SPOCK1: variants seen among roughly 807,000 people sequenced by gnomAD.
SPOCK1 encodes SPARC (osteonectin), cwcv and kazal like domains proteoglycan 1.
A neutral mutation model predicts 55.3 loss-of-function variants in SPOCK1; 23 were observed. That is an observed-to-expected ratio of 0.42 (90% CI 0.30 to 0.59). The LOEUF (loss-of-function observed/expected upper bound fraction) is 0.59. Among genes scored for constraint, SPOCK1 ranks in the 20% least tolerant of loss-of-function variants. The pLI is 0.22. For synonymous variants in SPOCK1, 226 were observed against 221.0 expected (o/e 1.02, Z -0.20); for missense variants, 499 against 552.5 (o/e 0.90, Z 0.97).
rs563512878 is a variant in SPOCK1, at chr5:137,289,143, G to A, written c.187-22088C>T. On this transcript the variant is annotated intron_variant, in intron 2 of 10. Transcript: ENST00000394945. The stretch of plus-strand genomic sequence containing the variant: ...GGTTATTAATGAAGCAAGCTTCATA[G>A]AGTTTACCAAGTCAAAATGAGTTAA... Among the ~76,000 whole-genome samples the A allele has an allele frequency of 7.9e-5, 12 of 152,312 alleles. No homozygotes were observed. The South Asian group carries it at 2.5e-3, about 32-fold the overall frequency.
rs148135432 is a variant in SPOCK1, at chr5:137,252,099, T to C, written c.232+14911A>G. Among the ~76,000 whole-genome samples the C allele has an allele frequency of 3.6e-3, 547 of 152,264 alleles. 2 individuals carry two copies. Among genetic ancestry groups the C allele is most frequent in the East Asian group, 0.023 (117 of 5,172 alleles). ...TGCCACCATGTCCAACTAATTTTTG[T>C]ATTTTTAATAGAGATGGGGTTTCAC... On this transcript the variant is annotated intron_variant, in intron 3 of 10. Transcript: ENST00000394945.
intron 6 of SPOCK1, among the ~76,000 whole-genome samples, chr5:136,999,043 C>A (rs1235427520): frequency 6.6e-6 from 1 of 152,192 alleles, no homozygotes; most frequent in Non-Finnish European, 1.5e-5. Context: ...CACCTGGCCA[C>A]CTTTGCCCCC....
chr5:137,279,980 C>T (rs908706278), intron 2 of SPOCK1, among the ~76,000 whole-genome samples: 2 of 152,220 alleles, frequency 1.3e-5, no homozygotes, highest in Admixed American at 6.5e-5. Flanking sequence ...ACATCTTTCC[C>T]TCTGAAGGTG....
intron 5 of SPOCK1, among the ~76,000 whole-genome samples, chr5:137,108,197 G>A (rs1753402511): frequency 6.6e-6 from 1 of 152,142 alleles, no homozygotes; most frequent in Non-Finnish European, 1.5e-5. Context: ...ATAAATAAGT[G>A]GCCAGGTATT....
At chr5:137,290,232 T>C (rs769679600) in intron 2 of SPOCK1, among the ~76,000 whole-genome samples, 4 of 152,182 alleles carry the variant, frequency 2.6e-5, no homozygotes, top group Admixed American at 6.5e-5. Flanking sequence ...AAATGGACAT[T>C]GTGTTATGTT....
chr5:137,280,686 AC>A (rs1257647739), intron 2 of SPOCK1, among the ~76,000 whole-genome samples: 1 of 152,238 alleles, frequency 6.6e-6, no homozygotes, highest in Non-Finnish European at 1.5e-5. Flanking sequence ...AATCTCTTGA[AC>A]AAATTACCAA....
chr5:137,457,000 A>G (rs1048316902), intron 2 of SPOCK1, among the ~76,000 whole-genome samples: 1 of 152,164 alleles, frequency 6.6e-6, no homozygotes, highest in African/African-American at 2.4e-5. Flanking sequence ...TGTTTGGCCA[A>G]CTCATGTTTT....
At chr5:137,267,824 T>C (rs1756888335) in intron 2 of SPOCK1, among the ~76,000 whole-genome samples, 1 of 152,208 alleles carries the variant, frequency 6.6e-6, no homozygotes, top group African/African-American at 2.4e-5. Flanking sequence ...CCATCAGCAC[T>C]TTGACCCCAT....
intron 6 of SPOCK1, among the ~76,000 whole-genome samples, chr5:137,048,660 T>C (rs1238927822): frequency 8.2e-4 from 13 of 15,922 alleles, no homozygotes; most frequent in African/African-American, 3.5e-3. Context: ...AATATTGTTA[T>C]GTGTGAATTT....
chr5:137,454,455 C>G (rs868456210), intron 2 of SPOCK1, among the ~76,000 whole-genome samples: 1 of 152,134 alleles, frequency 6.6e-6, no homozygotes, highest in Non-Finnish European at 1.5e-5. Context: ...CCAAAAGACC[C>G]TAAAGGAAAG....
rs79565655 is a variant in SPOCK1 at position 137,255,811 on chromosome 5, C to T, written c.232+11199G>A. On this transcript the variant is annotated intron_variant, in intron 3 of 10. Coordinates refer to ENST00000394945, the MANE Select transcript of SPOCK1 (RefSeq NM_004598.4). ...ATTTAGGACCTGAATGTCACAGTGG[C>T]TCCAGTGGGCTCAGAGGATAATTTT... Among the ~76,000 whole-genome samples the T allele has an allele frequency of 9.7e-3, 1,475 of 152,332 alleles. 26 individuals carry two copies. Among genetic ancestry groups the T allele is most frequent in the African/African-American group, 0.034 (1,394 of 41,584 alleles).
chr5:137,288,726 C>A (rs556667012), intron 2 of SPOCK1, among the ~76,000 whole-genome samples: 31 of 152,196 alleles, frequency 2.0e-4, no homozygotes, highest in Non-Finnish European at 3.8e-4. Context: ...AAGTCCCTCA[C>A]GGTTTATCCA....
intron 5 of SPOCK1, among the ~76,000 whole-genome samples, chr5:137,101,352 G>A (rs1753261741): frequency 6.6e-6 from 1 of 152,306 alleles, no homozygotes; most frequent in East Asian, 1.9e-4. Context: ...CTGATGAAGT[G>A]AGGCCAAGCA....
chr5:137,108,264 C>G (rs959056808), intron 5 of SPOCK1, among the ~76,000 whole-genome samples: 5 of 152,158 alleles, frequency 3.3e-5, no homozygotes, highest in African/African-American at 1.2e-4. Flanking sequence ...AAATAGCCCC[C>G]TTGGAAGGAA....
intron 3 of SPOCK1, among the ~76,000 whole-genome samples, chr5:137,261,913 G>T (rs550322395): frequency 6.6e-6 from 1 of 152,288 alleles, no homozygotes; most frequent in South Asian, 2.1e-4. Flanking sequence ...CAGAGAACCT[G>T]TTAGTGTTCC....
At chr5:137,297,088 TTTC>T (rs1430162788) in intron 2 of SPOCK1, among the ~76,000 whole-genome samples, 8 of 152,346 alleles carry the variant, frequency 5.3e-5, no homozygotes, top group African/African-American at 1.7e-4. Context: ...GTATGTATAT[TTTC>T]TTTTTGCCTT....
intron 2 of SPOCK1, among the ~76,000 whole-genome samples, chr5:137,428,536 C>T (rs564187526): frequency 1.3e-5 from 2 of 152,310 alleles, no homozygotes; most frequent in South Asian, 2.1e-4. Context: ...CAACCATTTT[C>T]ATTCTGCATC....
At chr5:137,366,399 T>C (rs2127168607) in intron 2 of SPOCK1, among the ~76,000 whole-genome samples, 1 of 152,332 alleles carries the variant, frequency 6.6e-6, no homozygotes, top group East Asian at 1.9e-4. Context: ...AAGATCTTGT[T>C]TAATCCCCAC....
intron 3 of SPOCK1, among the ~76,000 whole-genome samples, chr5:137,229,144 C>T (rs1756003053): frequency 6.6e-6 from 1 of 152,146 alleles, no homozygotes. Flanking sequence ...GACTGGGATA[C>T]AGCAGGAAAC....
Sources: gnomAD v4.1 joint callset for allele counts (sites outside exome capture counted in the v4.1 genomes callset) on GRCh38, gnomAD v4.1.1 for gene constraint, MANE v1.5 for transcripts, NCBI Gene and HGNC (gene_info 2026-07-23, HGNC 2026-07-21) for gene names.